Variants in FRMPD2 observed in about 807,000 individuals in gnomAD.
FRMPD2 encodes FERM and PDZ domain containing 2, also known as FERM and PDZ domain-containing protein 2.
In FRMPD2, 96 loss-of-function variants were observed where a neutral mutation model predicts 140.1. That is an observed-to-expected ratio of 0.69 (90% CI 0.58 to 0.81). The LOEUF is 0.81. FRMPD2 is among the 40% of genes least tolerant of loss of function. FRMPD2 has a pLI of 0.00. For synonymous variants in FRMPD2, 449 were observed against 547.6 expected (o/e 0.82, Z 2.52); for missense variants, 1,240 against 1,447.4 (o/e 0.86, Z 2.32).
At chr10:48,197,376 A>G (rs1230767445) in intron 15 of FRMPD2, among the ~76,000 whole-genome samples, 1 of 152,124 alleles carries the variant, frequency 6.6e-6, no homozygotes, top group Non-Finnish European at 1.5e-5. Flanking sequence ...ACAAACCTAC[A>G]GTACGGTCTG....
intron 14 of FRMPD2, among the ~76,000 whole-genome samples, chr10:48,204,524 C>T (rs973124478): frequency 9.2e-5 from 14 of 152,152 alleles, no homozygotes; most frequent in Admixed American, 2.6e-4. Context: ...ATTACAAAAG[C>T]GCCATCATAC....
At chr10:48,204,349 G>T (rs1343952502) in intron 14 of FRMPD2, among the ~76,000 whole-genome samples, 1 of 151,918 alleles carries the variant, frequency 6.6e-6, no homozygotes, top group East Asian at 1.9e-4. Context: ...TCCTGCATTT[G>T]CAGCAAATAA....
At chr10:48,226,190 C>A (rs532135056) in intron 10 of FRMPD2, among the ~76,000 whole-genome samples, 9 of 152,306 alleles carry the variant, frequency 5.9e-5, no homozygotes, top group African/African-American at 2.2e-4. Context: ...GCTATAAGGT[C>A]AGTTTGAATG....
chr10:48,254,608 C>T lies in FRMPD2; in HGVS notation c.26-2917G>A, dbSNP rs1046213920. On this transcript the variant is annotated intron_variant, in intron 1 of 28. Coordinates refer to ENST00000374201, the MANE Select transcript of FRMPD2 (RefSeq NM_001018071.4). ...AACACTATTTCAAAGCCCACTGCTA[C>T]TTCCTTGAACGACAATACACTTCCA... 2.0e-5 allele frequency among the ~76,000 whole-genome samples: 3 copies of T among 152,270 alleles called. No individual in the cohort carries two copies. In the East Asian group the frequency reaches 5.8e-4, roughly 29 times the overall value.
At chr10:48,236,366 A>G in intron 9 of FRMPD2, 116 bp downstream of exon 9, 1 of 826,228 alleles carries the variant, frequency 1.2e-6, no homozygotes, top group Non-Finnish European at 2.1e-6. Context: ...TCTGGGGGAA[A>G]CTGAATGCCA....
chr10:48,185,516 G>C (rs780466190), intron 18 of FRMPD2, 37 bp downstream of exon 18: 4 of 1,462,014 alleles, frequency 2.7e-6, no homozygotes, highest in Non-Finnish European at 3.8e-6. Context: ...TTGCCCAGCA[G>C]TAGAGACTGG....
chr10:48,273,714 C>G (rs1203676093), intron 1 of FRMPD2, among the ~76,000 whole-genome samples: 2 of 152,148 alleles, frequency 1.3e-5, no homozygotes, highest in African/African-American at 4.8e-5. Context: ...GGAAGATCCT[C>G]TGGGCTGGGG....
chr10:48,273,298 C>G (rs553844402), intron 1 of FRMPD2, among the ~76,000 whole-genome samples: 1 of 152,102 alleles, frequency 6.6e-6, no homozygotes, highest in East Asian at 1.9e-4. Flanking sequence ...AATGCAGACA[C>G]GACACATCCT....
At chr10:48,214,380 G>A (rs915408850) in intron 12 of FRMPD2, among the ~76,000 whole-genome samples, 16 of 152,238 alleles carry the variant, frequency 1.1e-4, no homozygotes, top group African/African-American at 3.9e-4. Flanking sequence ...AAAACCCATA[G>A]AATGTACAAC....
chr10:48,249,090 C>G lies in FRMPD2; in HGVS notation c.240G>C (p.Glu80Asp). The G allele has an allele frequency of 6.2e-7, 1 of 1,614,010 alleles. No homozygotes were observed. Among genetic ancestry groups the G allele is most frequent in the Non-Finnish European group, 8.5e-7 (1 of 1,180,006 alleles). Residue 80 changes from glutamate to aspartate, a missense_variant, in exon 3 of 29, where the codon GAG becomes GAC. Physicochemically the swap from Glu to Asp is conservative, Grantham distance 45. Coordinates refer to ENST00000374201, the MANE Select transcript of FRMPD2 (RefSeq NM_001018071.4). ...LSFQGRVSHIEAAPFKAPELL... is the reference protein window; with the variant it reads ...LSFQGRVSHIDAAPFKAPELL... ...GTTCAGGGGCCTTGAAAGGAGCAGCCTCTATATGAGAAACACGGCCTTGGA... is the reference window on the plus strand; with the variant it reads ...GTTCAGGGGCCTTGAAAGGAGCAGCGTCTATATGAGAAACACGGCCTTGGA...
intron 2 of FRMPD2, 80 bp downstream of exon 2, chr10:48,251,486 G>T: frequency 6.4e-7 from 1 of 1,552,684 alleles, no homozygotes; most frequent in Non-Finnish European, 8.8e-7. Context: ...TAAAAAAGCA[G>T]CAGCAGCCAG....
chr10:48,183,894 C>G (rs377140818), intron 20 of FRMPD2, among the ~76,000 whole-genome samples: 6 of 132,608 alleles, frequency 4.5e-5, no homozygotes, highest in African/African-American at 1.7e-4. Flanking sequence ...TTCTCATTTA[C>G]AAGTGGGAGC....
intron 3 of FRMPD2, among the ~76,000 whole-genome samples, chr10:48,246,218 A>T (rs1182225384): frequency 2.0e-5 from 3 of 152,196 alleles, no homozygotes; most frequent in African/African-American, 7.2e-5. Flanking sequence ...TGGTCTTCCC[A>T]CACGGTTAGC....
At chr10:48,173,434 G>A (rs879964806) in intron 24 of FRMPD2, among the ~76,000 whole-genome samples, 384 of 150,126 alleles carry the variant, frequency 2.6e-3, no homozygotes, top group Non-Finnish European at 4.2e-3. Context: ...CACATTTGGA[G>A]TGGTCCAGCT....
chr10:48,216,251 TAGAC>T (rs1839445321), intron 12 of FRMPD2, among the ~76,000 whole-genome samples: 1 of 151,848 alleles, frequency 6.6e-6, no homozygotes, highest in South Asian at 2.1e-4. Context: ...AGATAGATAA[TAGAC>T]AGATACATAG....
intron 15 of FRMPD2, among the ~76,000 whole-genome samples, chr10:48,200,208 C>T (rs370429474): frequency 7.1e-6 from 1 of 141,490 alleles, no homozygotes; most frequent in African/African-American, 2.5e-5. Context: ...AAAACAGAGC[C>T]AAGCAACCAT....
chr10:48,221,864 A>G (rs1564429789), intron 12 of FRMPD2, among the ~76,000 whole-genome samples: 1 of 150,100 alleles, frequency 6.7e-6, no homozygotes, highest in Admixed American at 6.6e-5. Context: ...ATGGATAGGT[A>G]GATGGATGGG....
chr10:48,187,050 GT>G lies in FRMPD2; in HGVS notation c.2266+141del, dbSNP rs145216901. The stretch of plus-strand genomic sequence containing the variant: ...AAACGCCTCTTCCCAATCACAAGTA[GT>G]TTAAAAAGAAAACAATTCAAAAAAC... On this transcript the variant is annotated intron_variant, in intron 17 of 28. Transcript: ENST00000374201. The G allele has an allele frequency of 6.4e-3, 3,938 of 612,936 alleles. 29 individuals are homozygous for G. The highest frequency in any genetic ancestry group is 9.3e-3 in the Non-Finnish European group (3,221 of 347,128). The allele number at this position is 612,936 out of a possible 1,614,324, so 38.0% of individuals were successfully genotyped here. A position where few individuals can be genotyped will look rare whatever the true frequency, so the allele number is the denominator to read the frequency against.
At chr10:48,186,795 A>G (rs1838699357) in intron 17 of FRMPD2, among the ~76,000 whole-genome samples, 1 of 152,202 alleles carries the variant, frequency 6.6e-6, no homozygotes, top group Non-Finnish European at 1.5e-5. Flanking sequence ...TTCAACAGGG[A>G]ACTGGCCAGG....
Sources: allele counts gnomAD v4.1 joint callset (sites outside exome capture counted in the v4.1 genomes callset), GRCh38; gene constraint gnomAD v4.1.1; transcripts MANE v1.5; gene names NCBI Gene and HGNC (gene_info 2026-07-23, HGNC 2026-07-21).